Variants in LCP2 observed in about 807,000 individuals in gnomAD.
The protein encoded by LCP2 is lymphocyte cytosolic protein 2.
LCP2 carries 29 observed loss-of-function variants against 74.5 expected under a neutral mutation model. The ratio of observed to expected loss-of-function variants is 0.39; its 90% CI spans 0.29 to 0.53. The LOEUF is 0.53. Among genes scored for constraint, LCP2 ranks in the 20% least tolerant of loss-of-function variants. The pLI, the probability that LCP2 is intolerant of heterozygous loss-of-function variation, is 0.72. For missense variants in LCP2, 604 were observed against 634.6 expected, an observed-to-expected ratio of 0.95 and a Z score of 0.52; for synonymous variants, 228 against 229.5, an observed-to-expected ratio of 0.99 and a Z score of 0.06.
At chr5:170,264,044 A>T (rs1177834726) in intron 10 of LCP2, among the ~76,000 whole-genome samples, 1 of 152,184 alleles carries the variant, frequency 6.6e-6, no homozygotes, top group Non-Finnish European at 1.5e-5. Context: ...TGTAACCTGA[A>T]ACCAGTTTCA....
At chr5:170,289,381 C>T (rs1314919354) in intron 2 of LCP2, among the ~76,000 whole-genome samples, 1 of 152,102 alleles carries the variant, frequency 6.6e-6, no homozygotes, top group Non-Finnish European at 1.5e-5. Flanking sequence ...CTGGAAAGAT[C>T]TGGGCACTCT....
At chr5:170,254,636 T>C (rs899548421) in intron 17 of LCP2, among the ~76,000 whole-genome samples, 2 of 152,174 alleles carry the variant, frequency 1.3e-5, no homozygotes, top group African/African-American at 4.8e-5. Flanking sequence ...ATAATGCTTG[T>C]TGAATGAATG....
intron 15 of LCP2, 122 bp from the exon 16 acceptor site, chr5:170,258,288 T>C: frequency 9.9e-7 from 1 of 1,007,606 alleles, no homozygotes; most frequent in Non-Finnish European, 1.5e-6. Context: ...ATAAAGCAGA[T>C]CAGATGTAAT....
chr5:170,290,388 C>G (rs1279585837), intron 2 of LCP2, among the ~76,000 whole-genome samples: 5 of 152,120 alleles, frequency 3.3e-5, no homozygotes, highest in African/African-American at 1.2e-4. Flanking sequence ...TGTGCTTGTT[C>G]AAAATATTTA....
rs1289879349 is a variant in LCP2, at chr5:170,256,761, C to T, written c.1101-186G>A. Among the ~76,000 whole-genome samples the T allele has an allele frequency of 1.3e-5, 2 of 152,128 alleles. No homozygotes were observed. Among genetic ancestry groups the T allele is most frequent in the African/African-American group, 2.4e-5 (1 of 41,432 alleles). ...GCACACAGGGAATGGAACTACATTC[C>T]GCTGTGGACCATGCCAAAGTCTAAC... On this transcript the variant is annotated intron_variant, in intron 16 of 20. Transcript: ENST00000046794. This position sits in a 1 kb window ranked among gnomAD's most constrained non-coding sequence, Gnocchi z 4.5.
At chr5:170,292,244 G>T (rs933877762) in intron 2 of LCP2, among the ~76,000 whole-genome samples, 1 of 152,226 alleles carries the variant, frequency 6.6e-6, no homozygotes, top group African/African-American at 2.4e-5. Context: ...TAGGTGGACA[G>T]TGAATAAACA....
chr5:170,256,769 A>C lies in LCP2; in HGVS notation c.1101-194T>G, dbSNP rs1050051086. Among the ~76,000 whole-genome samples, 1 of 152,182 alleles carries C rather than the reference A, an allele frequency of 6.6e-6. No homozygotes were observed. Among genetic ancestry groups the C allele is most frequent in the African/African-American group, 2.4e-5 (1 of 41,440 alleles). On this transcript the variant is annotated intron_variant, in intron 16 of 20. Coordinates refer to ENST00000046794, the MANE Select transcript of LCP2 (RefSeq NM_005565.5). This position sits in a 1 kb window ranked among gnomAD's most constrained non-coding sequence, Gnocchi z 4.5. ...GGAATGGAACTACATTCCGCTGTGG[A>C]CCATGCCAAAGTCTAACAAGCTTTA...
At chr5:170,253,411 G>A (rs971855417) in intron 17 of LCP2, among the ~76,000 whole-genome samples, 198 bp from the exon 18 acceptor site, 2 of 152,174 alleles carry the variant, frequency 1.3e-5, no homozygotes, top group Non-Finnish European at 2.9e-5. Flanking sequence ...GCATTATTCT[G>A]TAATCATGCC....
intron 19 of LCP2, 62 bp from the exon 20 acceptor site, chr5:170,250,947 A>G: frequency 1.4e-6 from 2 of 1,380,828 alleles, no homozygotes; most frequent in Non-Finnish European, 2.0e-6. Flanking sequence ...GTTGCTTGTA[A>G]GAGTAGTAGA....
chr5:170,273,098 A>G (rs1240028280), intron 6 of LCP2, among the ~76,000 whole-genome samples: 2 of 151,342 alleles, frequency 1.3e-5, no homozygotes, highest in Non-Finnish European at 2.9e-5. Flanking sequence ...TGGGGTATCC[A>G]TACTGTAAAA....
At position 170,261,047 on chromosome 5, in the gene LCP2, T is replaced by G. The variant is rs556328723; in HGVS notation, c.957+60A>C. 6 of 1,329,332 alleles carry G rather than the reference T, an allele frequency of 4.5e-6. No homozygotes were observed. In the African/African-American group the frequency reaches 7.2e-5, roughly 16 times the overall value. The allele number at this position is 1,329,332 out of a possible 1,614,324, so 82.3% of individuals were successfully genotyped here. A position where few individuals can be genotyped will look rare whatever the true frequency, so the allele number is the denominator to read the frequency against. ...CAAGGTGGATGGAGTCCCAACCTCC[T>G]AAGAGCCTATGCTTCTTTTCCCTGT... On this transcript the variant is annotated intron_variant, in intron 14 of 20. Coordinates refer to ENST00000046794, the MANE Select transcript of LCP2 (RefSeq NM_005565.5).
intron 10 of LCP2, 100 bp downstream of exon 10, chr5:170,266,708 T>C (rs891297896): frequency 1.9e-5 from 19 of 988,336 alleles, no homozygotes; most frequent in Admixed American, 8.6e-5. Flanking sequence ...CCTAGTATTG[T>C]GGCCATAGTT....
At chr5:170,248,884 T>G in intron 20 of LCP2, 65 bp from the exon 21 acceptor site, 1 of 1,519,490 alleles carries the variant, frequency 6.6e-7, no homozygotes, top group Non-Finnish European at 9.1e-7. Context: ...TCACTTTCAG[T>G]TTTTTTATCT....
intron 19 of LCP2, chr5:170,251,684 C>A: frequency 2.2e-6 from 1 of 455,886 alleles, no homozygotes; most frequent in South Asian, 1.5e-5. Context: ...GCTAAACAAA[C>A]ATACTTCTGG....
At chr5:170,265,702 C>G (rs1455397777) in intron 10 of LCP2, among the ~76,000 whole-genome samples, 1 of 152,136 alleles carries the variant, frequency 6.6e-6, no homozygotes, top group African/African-American at 2.4e-5. Flanking sequence ...GAAAGAGCAG[C>G]GAGCAGCAGC....
chr5:170,257,295 G>A (rs548381833), intron 16 of LCP2, among the ~76,000 whole-genome samples: 1 of 152,310 alleles, frequency 6.6e-6, no homozygotes, highest in East Asian at 1.9e-4. Flanking sequence ...GGAAGAGGGA[G>A]AAGAGCAGCA....
intron 18 of LCP2, 110 bp downstream of exon 18, chr5:170,253,009 A>G (rs1385988829): frequency 2.9e-6 from 2 of 682,410 alleles, no homozygotes; most frequent in African/African-American, 3.7e-5. Flanking sequence ...AAATAAATAA[A>G]ATAAAACAAA....
chr5:170,275,029 C>T (rs1468628415), intron 5 of LCP2, among the ~76,000 whole-genome samples: 2 of 151,738 alleles, frequency 1.3e-5, no homozygotes, highest in Admixed American at 1.3e-4. Flanking sequence ...AGCTCAGGTG[C>T]TCACTCAGAG....
chr5:170,270,628 A>G (rs1488893591), intron 7 of LCP2, 91 bp downstream of exon 7: 6 of 1,206,886 alleles, frequency 5.0e-6, no homozygotes, highest in Admixed American at 5.1e-5. Context: ...TTTCTGCTAC[A>G]TGGGCAAGCT....
Sources: gnomAD v4.1 joint callset for allele counts (sites outside exome capture counted in the v4.1 genomes callset) on GRCh38, gnomAD v4.1.1 for gene constraint, Gnocchi (gnomAD v3.1) non-coding constraint, MANE v1.5 for transcripts, NCBI Gene and HGNC (gene_info 2026-07-23, HGNC 2026-07-21) for gene names.